Variants in ATF7IP observed in about 807,000 individuals in gnomAD.
ATF7IP encodes activating transcription factor 7-interacting protein 1.
A neutral mutation model predicts 106.4 loss-of-function variants in ATF7IP; 23 were observed. The observed-to-expected ratio is 0.22, with a 90% CI of 0.16 to 0.31. The LOEUF is 0.31. Ranked by LOEUF, ATF7IP falls within the 10% of genes least tolerant of loss-of-function variation. The pLI is 1.00. For missense variants in ATF7IP, 1,334 were observed against 1,524.3 expected, an observed-to-expected ratio of 0.88 and a Z score of 2.08; for synonymous variants, 542 against 539.0, an observed-to-expected ratio of 1.01 and a Z score of -0.08.
intron 9 of ATF7IP, among the ~76,000 whole-genome samples, chr12:14,465,047 C>G (rs907051339): frequency 3.3e-5 from 5 of 152,004 alleles, no homozygotes; most frequent in Non-Finnish European, 7.4e-5. Flanking sequence ...GAAAGCAGGT[C>G]TTTACTAAGT....
At chr12:14,435,262 G>A (rs1416784837) in intron 3 of ATF7IP, among the ~76,000 whole-genome samples, 1 of 152,118 alleles carries the variant, frequency 6.6e-6, no homozygotes, top group Non-Finnish European at 1.5e-5. Context: ...CAGGAAAGCT[G>A]GGTTCAGTAA....
At chr12:14,490,753 A>G (rs1944789046) in intron 13 of ATF7IP, among the ~76,000 whole-genome samples, 1 of 152,082 alleles carries the variant, frequency 6.6e-6, no homozygotes, top group Non-Finnish European at 1.5e-5. Context: ...CGGGCATTTG[A>G]GCCACTCCTC....
chr12:14,424,825 G>A lies in ATF7IP; in HGVS notation c.910G>A (p.Asp304Asn). The A allele has an allele frequency of 6.2e-7, 1 of 1,613,924 alleles. No homozygotes were observed. The highest frequency in any genetic ancestry group is 8.5e-7 in the Non-Finnish European group (1 of 1,179,990). Reference protein sequence around the residue: ...VPVCEPVPEIDNIEPSSNKDD... With the variant: ...VPVCEPVPEINNIEPSSNKDD... ...AGTTTGTGAACCAGTTCCTGAAATTGACAATATAGAACCAAGTAGCAATAA... is the reference window on the plus strand; with the variant it reads ...AGTTTGTGAACCAGTTCCTGAAATTAACAATATAGAACCAAGTAGCAATAA... Residue 304 changes from aspartate to asparagine, a missense_variant, in exon 2 of 15, where the codon GAC (aspartate) becomes AAC (asparagine). Physicochemically the swap from Asp to Asn is conservative, Grantham distance 23. Coordinates refer to ENST00000261168, the MANE Select transcript of ATF7IP (RefSeq NM_018179.5).
At chr12:14,423,348 C>T (rs112466059) in intron 1 of ATF7IP, among the ~76,000 whole-genome samples, 2 of 152,078 alleles carry the variant, frequency 1.3e-5, no homozygotes, top group African/African-American at 4.8e-5. Flanking sequence ...TCTTATCAGG[C>T]ATATGATTTG....
intron 2 of ATF7IP, among the ~76,000 whole-genome samples, chr12:14,432,483 A>G (rs1040027728): frequency 6.6e-6 from 1 of 152,234 alleles, no homozygotes; most frequent in African/African-American, 2.4e-5. Flanking sequence ...AAATGAGCAA[A>G]GGGTAGTAAA....
intron 13 of ATF7IP, among the ~76,000 whole-genome samples, chr12:14,491,890 C>G (rs1255407774): frequency 6.6e-6 from 1 of 152,204 alleles, no homozygotes; most frequent in Non-Finnish European, 1.5e-5. Context: ...TCTGCATAGG[C>G]CACATGGGAG....
At chr12:14,478,009 TTATA>T (rs1038006524) in intron 11 of ATF7IP, among the ~76,000 whole-genome samples, 2 of 152,294 alleles carry the variant, frequency 1.3e-5, no homozygotes, top group Admixed American at 1.3e-4. Flanking sequence ...GGTAGGTAGA[TTATA>T]TATTTATGCA....
chr12:14,373,969 A>C (rs34386538), intron 1 of ATF7IP, among the ~76,000 whole-genome samples: 24,944 of 152,094 alleles, frequency 0.16, 2,581 homozygotes, highest in East Asian at 0.27. Context: ...CTTAATTCAA[A>C]AGGACTGTAG....
chr12:14,443,604 C>G (rs1426367714), intron 5 of ATF7IP, among the ~76,000 whole-genome samples: 1 of 152,038 alleles, frequency 6.6e-6, no homozygotes, highest in Admixed American at 6.6e-5. Context: ...TTTTCAGAAA[C>G]CTGTTGTAAA....
chr12:14,437,621 ATT>A (rs1942462801), intron 4 of ATF7IP, among the ~76,000 whole-genome samples: 1 of 152,174 alleles, frequency 6.6e-6, no homozygotes, highest in Non-Finnish European at 1.5e-5. Context: ...GAAATTTTCT[ATT>A]TTTAGTATGT....
intron 1 of ATF7IP, among the ~76,000 whole-genome samples, chr12:14,371,963 A>G (rs1422640627): frequency 6.6e-6 from 1 of 152,098 alleles, no homozygotes; most frequent in East Asian, 1.9e-4. Context: ...CATATTATTG[A>G]TTGAAAAATT....
Position 14,481,178 on chromosome 12 carries a change from C to G in ATF7IP, c.3273C>G (p.Pro1091=), listed in dbSNP as rs765780362. The G allele has an allele frequency of 1.9e-6, 3 of 1,613,640 alleles. No homozygotes were observed. The Admixed American group carries it at 5.0e-5, about 27-fold the overall frequency. The change falls in exon 13 of 15, where the codon CCC becomes CCG. Residue 1091 remains proline, a synonymous_variant. Transcript: ENST00000261168. ...MQAPAVRQVN[P]QNSVTVRVPQ... is the part of the protein sequence containing the mutation. ...CTCCTGCTGTTCGGCAGGTCAATCCCCAAAATAGTAAGAGATTTTTCTTGT... is the reference window on the plus strand; with the variant it reads ...CTCCTGCTGTTCGGCAGGTCAATCCGCAAAATAGTAAGAGATTTTTCTTGT...
intron 2 of ATF7IP, among the ~76,000 whole-genome samples, chr12:14,426,911 C>T (rs1362907109): frequency 6.6e-6 from 1 of 151,086 alleles, no homozygotes; most frequent in Non-Finnish European, 1.5e-5. Flanking sequence ...CAGGCCAGGC[C>T]CTTCTTGGTT....
intron 1 of ATF7IP, among the ~76,000 whole-genome samples, chr12:14,386,083 T>TA (rs2136421246): frequency 6.6e-6 from 1 of 152,252 alleles, no homozygotes; most frequent in South Asian, 2.1e-4. Flanking sequence ...TACCTCTTTT[T>TA]AAAAAATATA....
At chr12:14,476,033 A>G in intron 11 of ATF7IP, 65 bp downstream of exon 11, 5 of 1,117,952 alleles carry the variant, frequency 4.5e-6, no homozygotes, top group Admixed American at 1.8e-5. Flanking sequence ...AATACGGTAC[A>G]GTATTCTACA....
intron 6 of ATF7IP, among the ~76,000 whole-genome samples, chr12:14,455,294 T>A (rs1400792583): frequency 6.6e-6 from 1 of 152,218 alleles, no homozygotes; most frequent in Non-Finnish European, 1.5e-5. Flanking sequence ...TATTTTAATG[T>A]GCTTTTCTCT....
intron 1 of ATF7IP, chr12:14,385,119 T>C (rs1293651932): frequency 1.4e-5 from 5 of 362,986 alleles, no homozygotes; most frequent in Non-Finnish European, 2.5e-5. Flanking sequence ...CTGTTTTCTT[T>C]TTCTGTGTCC....
At chr12:14,461,942 C>G (rs1256763743) in intron 9 of ATF7IP, among the ~76,000 whole-genome samples, 2 of 152,080 alleles carry the variant, frequency 1.3e-5, no homozygotes, top group African/African-American at 4.8e-5. Flanking sequence ...GAAACAAATT[C>G]TAAAGTACAA....
intron 9 of ATF7IP, among the ~76,000 whole-genome samples, chr12:14,462,969 T>C (rs1943698879): frequency 6.6e-6 from 1 of 152,042 alleles, no homozygotes; most frequent in African/African-American, 2.4e-5. Flanking sequence ...TAATGCTAAC[T>C]AAAATGAGAT....
Sources: gnomAD v4.1 joint callset for allele counts (sites outside exome capture counted in the v4.1 genomes callset) on GRCh38, gnomAD v4.1.1 for gene constraint, MANE v1.5 for transcripts, NCBI Gene and HGNC (gene_info 2026-07-23, HGNC 2026-07-21) for gene names.